ZNF704: variants seen among roughly 807,000 people sequenced by gnomAD.
ZNF704 encodes zinc finger protein 704, also known as glucocorticoid induced gene 1.
ZNF704 carries 10 observed loss-of-function variants against 44.7 expected under a neutral mutation model. That is an observed-to-expected ratio of 0.22 (90% CI 0.14 to 0.38). ZNF704 has a LOEUF of 0.38. Among genes scored for constraint, ZNF704 ranks in the 10% least tolerant of loss-of-function variants. The pLI is 1.00. For synonymous variants in ZNF704, 211 were observed against 207.6 expected (o/e 1.02, Z -0.14); for missense variants, 390 against 545.5 (o/e 0.71, Z 2.84).
At chr8:80,851,231 A>G (rs1417782564) in intron 1 of ZNF704, among the ~76,000 whole-genome samples, 1 of 152,180 alleles carries the variant, frequency 6.6e-6, no homozygotes, top group Non-Finnish European at 1.5e-5. Flanking sequence ...GTATATACCC[A>G]AAGGATTATA....
chr8:80,834,155 C>T (rs1808518815), intron 1 of ZNF704, among the ~76,000 whole-genome samples: 2 of 152,014 alleles, frequency 1.3e-5, no homozygotes, highest in African/African-American at 4.8e-5. Context: ...GATTGTGCCA[C>T]TGCACTCCAG....
At chr8:80,644,983 G>A (rs998923989) in intron 7 of ZNF704, 1 of 1,181,674 alleles carries the variant, frequency 8.5e-7, no homozygotes, top group South Asian at 1.2e-5. Context: ...AAGATGTGAG[G>A]TTCTGGTTCA....
intron 2 of ZNF704, among the ~76,000 whole-genome samples, chr8:80,750,760 C>G (rs1806929100): frequency 6.6e-6 from 1 of 152,108 alleles, no homozygotes; most frequent in African/African-American, 2.4e-5. Flanking sequence ...GGTGATCCAC[C>G]CACCTCAGCC....
At chr8:80,813,617 C>T (rs1168402629) in intron 2 of ZNF704, among the ~76,000 whole-genome samples, 1 of 152,158 alleles carries the variant, frequency 6.6e-6, no homozygotes, top group East Asian at 1.9e-4. Flanking sequence ...GTGGCTCATG[C>T]CTGTAATCCC....
chr8:80,821,235 C>T (rs1229665704), intron 2 of ZNF704, 139 bp downstream of exon 2: 1 of 874,340 alleles, frequency 1.1e-6, no homozygotes, highest in Non-Finnish European at 1.8e-6. Flanking sequence ...CTATTTCACA[C>T]AAGCAATAGA....
At chr8:80,718,563 T>G (rs895075827) in intron 2 of ZNF704, among the ~76,000 whole-genome samples, 1 of 152,176 alleles carries the variant, frequency 6.6e-6, no homozygotes, top group Admixed American at 6.5e-5. Flanking sequence ...TTTGCCCCTC[T>G]TGCACTTCTG....
At chr8:80,678,057 T>A (rs1818397509) in intron 4 of ZNF704, among the ~76,000 whole-genome samples, 1 of 152,210 alleles carries the variant, frequency 6.6e-6, no homozygotes, top group South Asian at 2.1e-4. Flanking sequence ...CAATCTTGCA[T>A]ACCCTACACT....
the ZNF704 span, among the ~76,000 whole-genome samples, chr8:80,883,607 A>G: frequency 6.6e-6 from 1 of 152,212 alleles, no homozygotes; most frequent in African/African-American, 2.4e-5. Context: ...CAAACCTTCC[A>G]AGGGTCATTT....
chr8:80,735,753 A>G (rs957161537), intron 2 of ZNF704, among the ~76,000 whole-genome samples: 2 of 152,190 alleles, frequency 1.3e-5, no homozygotes, highest in Non-Finnish European at 2.9e-5. Flanking sequence ...AAACTCCTCC[A>G]CACTAATTGT....
intron 3 of ZNF704, among the ~76,000 whole-genome samples, chr8:80,689,284 A>G (rs1426183753): frequency 2.0e-5 from 3 of 152,210 alleles, no homozygotes; most frequent in African/African-American, 7.2e-5. Context: ...CATATTCCTC[A>G]ACTATGTCAA....
chr8:80,761,135 C>A (rs1219696721), intron 2 of ZNF704, among the ~76,000 whole-genome samples: 1 of 152,134 alleles, frequency 6.6e-6, no homozygotes, highest in East Asian at 1.9e-4. Flanking sequence ...GGCCCTCTTG[C>A]CCTTCCACTC....
intron 2 of ZNF704, among the ~76,000 whole-genome samples, chr8:80,810,759 T>C (rs1159616259): frequency 1.3e-5 from 2 of 152,244 alleles, no homozygotes; most frequent in Non-Finnish European, 2.9e-5. Flanking sequence ...ACATCAGTTA[T>C]GCACAACTGG....
chr8:80,838,370 C>A (rs1461318450), intron 1 of ZNF704, among the ~76,000 whole-genome samples: 1 of 152,150 alleles, frequency 6.6e-6, no homozygotes, highest in African/African-American at 2.4e-5. Flanking sequence ...ATATATATTA[C>A]ACAATTTCTC....
chr8:80,675,139 A>T (rs1023319209), intron 4 of ZNF704, among the ~76,000 whole-genome samples: 1 of 152,244 alleles, frequency 6.6e-6, no homozygotes, highest in Non-Finnish European at 1.5e-5. Flanking sequence ...TTTCAGATAT[A>T]GCATGAGGCC....
At chr8:80,724,637 G>A (rs770762371) in intron 2 of ZNF704, among the ~76,000 whole-genome samples, 3 of 152,128 alleles carry the variant, frequency 2.0e-5, no homozygotes, top group Non-Finnish European at 4.4e-5. Flanking sequence ...CAGAAACTTA[G>A]GAGTTGTCAG....
intron 4 of ZNF704, among the ~76,000 whole-genome samples, chr8:80,673,702 T>C (rs1169738653): frequency 1.3e-5 from 2 of 152,148 alleles, no homozygotes; most frequent in Non-Finnish European, 2.9e-5. Flanking sequence ...AGATTTTCCA[T>C]AGGTTTCTGA....
At chr8:80,659,008 A>T (rs1304737642) in intron 7 of ZNF704, among the ~76,000 whole-genome samples, 2 of 152,238 alleles carry the variant, frequency 1.3e-5, no homozygotes, top group East Asian at 3.8e-4. Context: ...GTTAGGAATC[A>T]AGTTAATTCA....
intron 7 of ZNF704, among the ~76,000 whole-genome samples, chr8:80,650,634 T>C (rs574100918): frequency 7.2e-5 from 11 of 152,166 alleles, no homozygotes. Flanking sequence ...TAAAAAGAAA[T>C]GAACAAAGCC....
At chr8:80,699,403 G>GAA (rs60084456) in intron 2 of ZNF704, among the ~76,000 whole-genome samples, 3,926 of 150,642 alleles carry the variant, frequency 0.026, 170 homozygotes, top group African/African-American at 0.089. Context: ...GATGGAAAAA[G>GAA]AAAAAAAAAT....
Sources: allele counts gnomAD v4.1 joint callset (sites outside exome capture counted in the v4.1 genomes callset), GRCh38; gene constraint gnomAD v4.1.1; transcripts MANE v1.5; gene names NCBI Gene and HGNC (gene_info 2026-07-23, HGNC 2026-07-21).